The following DCC variants were observed in gnomAD, a reference collection of about 807,000 sequenced individuals.
DCC encodes the protein netrin receptor DCC.
DCC carries 58 observed loss-of-function variants against 172.5 expected under a neutral mutation model. The observed-to-expected ratio is 0.34, with a 90% CI of 0.27 to 0.42. The LOEUF (loss-of-function observed/expected upper bound fraction) is 0.42, where lower values mean the gene tolerates loss of function less well. DCC is among the 10% of genes least tolerant of loss of function. DCC has a pLI of 1.00. For synonymous variants in DCC, 709 were observed against 644.5 expected, an observed-to-expected ratio of 1.10 and a Z score of -1.52; for missense variants, 1,740 against 1,791.0, an observed-to-expected ratio of 0.97 and a Z score of 0.51.
intron 5 of DCC, among the ~76,000 whole-genome samples, chr18:52,937,378 A>G (rs1422621078): frequency 2.0e-5 from 3 of 151,838 alleles, no homozygotes; most frequent in Non-Finnish European, 2.9e-5. Flanking sequence ...TTTTGTACCA[A>G]CCTACTACCT....
chr18:52,702,241 A>G (rs1184488979), intron 1 of DCC, among the ~76,000 whole-genome samples: 1 of 152,166 alleles, frequency 6.6e-6, no homozygotes, highest in African/African-American at 2.4e-5. Context: ...AAACCTATCC[A>G]CAGCATAACA....
chr18:53,066,537 C>T lies in DCC; in HGVS notation c.1261+371C>T, dbSNP rs1423641924. ...TTATTACCTTCTCCCTCTTTTGTGG[C>T]CTGCCTTTCTTCCCAGCATTCCATT... is the stretch of plus-strand genomic sequence containing the variant. On this transcript the variant is annotated intron_variant, in intron 7 of 28. Transcript: ENST00000442544. 4.7e-5 allele frequency among the ~76,000 whole-genome samples: 7 copies of T among 150,130 alleles called. No individual in the cohort carries two copies. In the South Asian group the frequency reaches 1.1e-3, roughly 23 times the overall value.
intron 11 of DCC, among the ~76,000 whole-genome samples, chr18:53,211,041 T>G (rs1428110999): frequency 6.6e-6 from 1 of 152,156 alleles, no homozygotes; most frequent in African/African-American, 2.4e-5. Context: ...CTTGCACTAG[T>G]TGGTAAGTCA....
chr18:53,296,971 G>A (rs139156132), intron 12 of DCC, among the ~76,000 whole-genome samples: 2 of 152,266 alleles, frequency 1.3e-5, no homozygotes, highest in East Asian at 3.9e-4. Flanking sequence ...GTAACTGACT[G>A]TGTTTGACGA....
At chr18:52,787,115 T>TA (rs1189165584) in intron 2 of DCC, among the ~76,000 whole-genome samples, 1 of 152,124 alleles carries the variant, frequency 6.6e-6, no homozygotes, top group Non-Finnish European at 1.5e-5. Context: ...TCCTTGAGTC[T>TA]AAAAAACAAA....
rs571961221 is a variant in DCC at position 53,070,464 on chromosome 18, C to G, written c.1261+4298C>G. Reference sequence around the variant, plus strand: ...TTTCCAATAGTTGAGCTTATTCAGTCAACCCATTATAGATGTTCAATTTCA... The same window carrying G: ...TTTCCAATAGTTGAGCTTATTCAGTGAACCCATTATAGATGTTCAATTTCA... On this transcript the variant is annotated intron_variant, in intron 7 of 28. Coordinates refer to ENST00000442544, the MANE Select transcript of DCC (RefSeq NM_005215.4). Among the ~76,000 whole-genome samples the G allele has an allele frequency of 3.3e-5, 5 of 152,280 alleles. No individual in the cohort carries two copies. In the South Asian group the frequency reaches 8.3e-4, roughly 25 times the overall value.
chr18:52,549,332 T>C (rs1206596819), intron 1 of DCC, among the ~76,000 whole-genome samples: 1 of 152,026 alleles, frequency 6.6e-6, no homozygotes, highest in African/African-American at 2.4e-5. Context: ...TAAATATTTT[T>C]CTCCCCTCTT....
At chr18:53,419,855 AT>A (rs907086676) in intron 21 of DCC, among the ~76,000 whole-genome samples, 6 of 151,158 alleles carry the variant, frequency 4.0e-5, no homozygotes, top group Admixed American at 2.6e-4. Context: ...ATTTTTATTT[AT>A]TTTTTTTAAT....
intron 1 of DCC, among the ~76,000 whole-genome samples, chr18:52,541,167 T>C (rs535938336): frequency 6.6e-6 from 1 of 152,316 alleles, no homozygotes; most frequent in African/African-American, 2.4e-5. Flanking sequence ...TACAAGTGGA[T>C]AAGTCAAGAC....
chr18:52,825,529 A>G (rs2038494541), intron 2 of DCC, among the ~76,000 whole-genome samples: 1 of 152,168 alleles, frequency 6.6e-6, no homozygotes, highest in South Asian at 2.1e-4. Flanking sequence ...TAATTATAGT[A>G]TATAATGGAA....
chr18:53,106,512 G>T (rs2043250721), intron 7 of DCC, among the ~76,000 whole-genome samples: 1 of 151,814 alleles, frequency 6.6e-6, no homozygotes, highest in Admixed American at 6.6e-5. Context: ...TTGGCCACAT[G>T]GTACTCAAGA....
intron 3 of DCC, among the ~76,000 whole-genome samples, chr18:52,921,438 C>T (rs2040123616): frequency 1.3e-5 from 2 of 152,008 alleles, no homozygotes; most frequent in South Asian, 4.1e-4. Flanking sequence ...GTGGCTCACG[C>T]CTGTAATCCC....
At chr18:53,353,619 G>A (rs1364254147) in intron 15 of DCC, among the ~76,000 whole-genome samples, 10 of 151,904 alleles carry the variant, frequency 6.6e-5, no homozygotes, top group Admixed American at 5.9e-4. Flanking sequence ...TTTGTTATGT[G>A]TGAAAAAGTT....
Position 53,210,215 on chromosome 18 carries a change from C to T in DCC, c.1861+2398C>T, listed in dbSNP as rs118116775. The stretch of plus-strand genomic sequence containing the variant: ...GTCTACTTCAATCTCATGTCTCCTC[C>T]TCTGTCCTGAAGCTGTTCATGCTGA... On this transcript the variant is annotated intron_variant, in intron 11 of 28. Coordinates refer to ENST00000442544, the MANE Select transcript of DCC (RefSeq NM_005215.4). Among the ~76,000 whole-genome samples, 304 of 152,298 alleles carry T rather than the reference C, an allele frequency of 2.0e-3. 1 individual carries two copies. The highest frequency in any genetic ancestry group is 3.5e-3 in the Non-Finnish European group (235 of 68,022).
chr18:53,329,741 G>T (rs2057509156), intron 14 of DCC, among the ~76,000 whole-genome samples: 1 of 151,904 alleles, frequency 6.6e-6, no homozygotes, highest in South Asian at 2.1e-4. Flanking sequence ...TTCTGGGGTG[G>T]AAAAAGAAAT....
At chr18:53,377,708 T>C (rs139603810) in intron 15 of DCC, among the ~76,000 whole-genome samples, 3 of 152,058 alleles carry the variant, frequency 2.0e-5, no homozygotes, top group Admixed American at 6.5e-5. Context: ...GGATGGGAGG[T>C]AGTTAAAAGG....
chr18:52,934,807 A>C (rs2145509782), intron 5 of DCC: 1 of 152,246 alleles, frequency 6.6e-6, no homozygotes, highest in Non-Finnish European at 1.5e-5. Context: ...CCACCCTTGC[A>C]CAGAGAGAAA....
At position 52,609,581 on chromosome 18, in the gene DCC, G is replaced by A. The variant is rs186281972; in HGVS notation, c.92-142473G>A. 2.6e-5 allele frequency among the ~76,000 whole-genome samples: 4 copies of A among 152,166 alleles called. No homozygotes were observed. In the East Asian group the frequency reaches 5.8e-4, roughly 22 times the overall value. On this transcript the variant is annotated intron_variant, in intron 1 of 28. Coordinates refer to ENST00000442544, the MANE Select transcript of DCC (RefSeq NM_005215.4). ...GCACCTATAAGGACCAACTTTTACT[G>A]ATGATATATTCTAGAATTTCTGGGG...
chr18:53,071,137 C>A (rs927153812), intron 7 of DCC, among the ~76,000 whole-genome samples: 3 of 152,176 alleles, frequency 2.0e-5, no homozygotes, highest in African/African-American at 7.2e-5. Context: ...AGACAATGAC[C>A]TATTTGAGCC....
Sources: gnomAD v4.1 joint callset for allele counts (sites outside exome capture counted in the v4.1 genomes callset) on GRCh38, gnomAD v4.1.1 for gene constraint, MANE v1.5 for transcripts, NCBI Gene and HGNC (gene_info 2026-07-23, HGNC 2026-07-21) for gene names.